Variants in CARD8 observed in about 807,000 individuals in gnomAD.
CARD8 encodes caspase recruitment domain-containing protein 8.
A neutral mutation model predicts 53.2 loss-of-function variants in CARD8; 38 were observed. The ratio of observed to expected loss-of-function variants is 0.71; its 90% CI spans 0.55 to 0.94. CARD8 has a LOEUF of 0.94. Ranked by LOEUF, CARD8 falls within the 40% of genes least tolerant of loss-of-function variation. The pLI, the probability that CARD8 is intolerant of heterozygous loss-of-function variation, is 0.00. For synonymous variants in CARD8, 245 were observed against 244.9 expected (o/e 1.00, Z 0.00); for missense variants, 561 against 655.5 (o/e 0.86, Z 1.57).
intron 12 of CARD8, among the ~76,000 whole-genome samples, chr19:48,215,897 C>T (rs553142122): frequency 8.5e-5 from 13 of 152,188 alleles, no homozygotes; most frequent in Admixed American, 2.0e-4. Flanking sequence ...ATCTAGACTC[C>T]TTGATGTTTT....
In CARD8 at chr19:48,221,835, AT is replaced by A. The variant is rs1225935216; in HGVS notation, c.1055del (p.Asp352ValfsTer17). 6.2e-7 allele frequency: 1 copy of A among 1,603,758 alleles called. No individual in the cohort carries two copies. Among genetic ancestry groups the A allele is most frequent in the South Asian group, 1.1e-5 (1 of 89,746 alleles). The part of the protein sequence containing the change: ...LLTKAIDDEE[D>X]RFHGVRLQTS... The stretch of plus-strand genomic sequence containing the variant: ...TCTGCAGGCGCACACCATGGAAGCG[AT>A]CTTCCTCATCATCTATCGCCTAAGG... On this transcript the variant is annotated frameshift_variant, in exon 11 of 14. Transcript: ENST00000651546. LOFTEE classifies it high-confidence loss of function.
chr19:48,254,543 G>C (rs370262077), intron 1 of CARD8, among the ~76,000 whole-genome samples: 2 of 152,048 alleles, frequency 1.3e-5, no homozygotes, highest in African/African-American at 4.8e-5. Flanking sequence ...ACAAGTCAGG[G>C]GTTCGAGACC....
chr19:48,253,210 G>A (rs1403472161), intron 1 of CARD8, among the ~76,000 whole-genome samples: 1 of 152,078 alleles, frequency 6.6e-6, no homozygotes, highest in Admixed American at 6.6e-5. Context: ...GCAGGGAGCT[G>A]CAGTGACTGG....
chr19:48,219,274 G>A (rs569867739), intron 11 of CARD8, among the ~76,000 whole-genome samples: 7 of 152,244 alleles, frequency 4.6e-5, no homozygotes, highest in South Asian at 2.1e-4. Context: ...GAATACAAAC[G>A]TCTTAGATTT....
intron 10 of CARD8, among the ~76,000 whole-genome samples, chr19:48,228,559 A>G (rs891379816): frequency 1.7e-4 from 26 of 152,232 alleles, no homozygotes; most frequent in African/African-American, 6.0e-4. Context: ...ATCTGGGAAC[A>G]GAGTGAGAAC....
At chr19:48,240,901 C>T (rs918593298) in intron 4 of CARD8, 61 bp downstream of exon 4, 22 of 1,284,536 alleles carry the variant, frequency 1.7e-5, no homozygotes, top group Non-Finnish European at 2.4e-5. Context: ...ATCTCATGAA[C>T]TATAACGAAA....
intron 12 of CARD8, among the ~76,000 whole-genome samples, chr19:48,217,754 A>G (rs1377460495): frequency 6.6e-6 from 1 of 152,206 alleles, no homozygotes. Context: ...GCATTTTACA[A>G]ATGTATTGGA....
intron 7 of CARD8, 192 bp from the exon 8 acceptor site, chr19:48,232,002 A>G (rs1157009480): frequency 1.5e-6 from 1 of 684,644 alleles, no homozygotes. Context: ...CCTTGTCATG[A>G]CTAAACGTAT....
chr19:48,213,267 G>A (rs1600066859), intron 13 of CARD8: 3 of 152,056 alleles, frequency 2.0e-5, no homozygotes, highest in South Asian at 2.1e-4. Context: ...TAAAATTAAC[G>A]TGGACATGAA....
chr19:48,218,581 C>T (rs748803560), intron 12 of CARD8, among the ~76,000 whole-genome samples: 3 of 151,826 alleles, frequency 2.0e-5, no homozygotes, highest in African/African-American at 4.8e-5. Flanking sequence ...CTCGAACTCC[C>T]GACCTTAGGT....
Position 48,224,119 on chromosome 19 carries a change from G to A in CARD8, c.1036-2264C>T, listed in dbSNP as rs1049969658. The stretch of plus-strand genomic sequence containing the variant: ...TGGGATTACAGGCGCATGCCAGCAC[G>A]CCCGGCTAATTTTTGTATTTTTAGT... On this transcript the variant is annotated intron_variant, in intron 10 of 13. Transcript: ENST00000651546. Among the ~76,000 whole-genome samples the A allele has an allele frequency of 5.9e-5, 9 of 152,062 alleles. No homozygotes were observed. In the East Asian group the frequency reaches 1.2e-3, roughly 20 times the overall value.
At chr19:48,242,559 G>GAAT (rs2045379084) in intron 3 of CARD8, 1 of 152,164 alleles carries the variant, frequency 6.6e-6, no homozygotes, top group Non-Finnish European at 1.5e-5. Context: ...TTTCATGGCT[G>GAAT]AATAATATTC....
At chr19:48,215,619 G>A (rs2039110433) in intron 12 of CARD8, among the ~76,000 whole-genome samples, 5 of 152,128 alleles carry the variant, frequency 3.3e-5, no homozygotes. Context: ...TCAACTTGCA[G>A]GCCAATATCT....
In CARD8 at chr19:48,243,933, A is replaced by G. The variant is rs540155935; in HGVS notation, c.-43-2870T>C. On this transcript the variant is annotated intron_variant, in intron 3 of 13. Transcript: ENST00000651546. Reference sequence around the variant, plus strand: ...TGGCTAACTTTCTATAGGATTAAGTAGAAGTTATTGAGACTTGGTCTACAG... The same window carrying G: ...TGGCTAACTTTCTATAGGATTAAGTGGAAGTTATTGAGACTTGGTCTACAG... Among the ~76,000 whole-genome samples the G allele has an allele frequency of 3.7e-3, 557 of 152,368 alleles. 7 individuals carry two copies. The highest frequency in any genetic ancestry group is 0.013 in the African/African-American group (530 of 41,574).
In CARD8 at chr19:48,211,643, A is replaced by G. The variant is rs2037984126; in HGVS notation, c.*67T>C. On this transcript the variant is annotated 3_prime_UTR_variant, in exon 14 of 14. Coordinates refer to ENST00000651546, the MANE Select transcript of CARD8 (RefSeq NM_001184900.3). Reference sequence around the variant, plus strand: ...CTTGAACACTGAAATCAATGATCACATTTCTGTTTATCCATTTCCAATGAG... The same window carrying G: ...CTTGAACACTGAAATCAATGATCACGTTTCTGTTTATCCATTTCCAATGAG... The G allele has an allele frequency of 2.1e-6, 3 of 1,452,698 alleles. No individual in the cohort carries two copies. The highest frequency in any genetic ancestry group is 1.9e-5 in the Admixed American group (1 of 53,812). 90.0% of individuals were successfully genotyped at this position (1,452,698 alleles called of 1,614,324 possible). A position where few individuals can be genotyped will look rare whatever the true frequency, so the allele number is the denominator to read the frequency against.
chr19:48,241,124 G>C, intron 3 of CARD8, 61 bp from the exon 4 acceptor site: 1 of 907,834 alleles, frequency 1.1e-6, no homozygotes, highest in South Asian at 1.5e-5. Flanking sequence ...ATAAATCTTA[G>C]CTTCTGTGTC....
At chr19:48,215,909 A>G (rs3786741) in intron 12 of CARD8, among the ~76,000 whole-genome samples, 129,260 of 152,090 alleles carry the variant, frequency 0.85, 55,242 homozygotes, top group South Asian at 0.91. Context: ...TGATGTTTTC[A>G]AAGTTCAGAT....
chr19:48,251,779 C>T (rs1296414482), intron 1 of CARD8, among the ~76,000 whole-genome samples: 1 of 152,058 alleles, frequency 6.6e-6, no homozygotes, highest in Admixed American at 6.6e-5. Context: ...CATGGTGATT[C>T]GCCATGTCCT....
At chr19:48,228,775 G>A (rs867417125) in intron 10 of CARD8, among the ~76,000 whole-genome samples, 3 of 152,050 alleles carry the variant, frequency 2.0e-5, no homozygotes, top group Admixed American at 6.6e-5. Flanking sequence ...AGGATGCCTC[G>A]GGTGTGGCTC....
Sources: allele counts gnomAD v4.1 joint callset (sites outside exome capture counted in the v4.1 genomes callset), GRCh38; gene constraint gnomAD v4.1.1; transcripts MANE v1.5; gene names NCBI Gene and HGNC (gene_info 2026-07-23, HGNC 2026-07-21).